The following MTHFD1L variants were observed in gnomAD, a reference collection of about 807,000 sequenced individuals.
MTHFD1L encodes the protein monofunctional C1-tetrahydrofolate synthase, mitochondrial.
In MTHFD1L, 81 loss-of-function variants were observed where a neutral mutation model predicts 119.5. The observed-to-expected ratio is 0.68, with a 90% CI of 0.57 to 0.82. The LOEUF is 0.82. MTHFD1L is among the 40% of genes least tolerant of loss of function. The pLI is 0.00. For missense variants in MTHFD1L, 1,125 were observed against 1,253.4 expected, an observed-to-expected ratio of 0.90 and a Z score of 1.55; for synonymous variants, 430 against 475.2, an observed-to-expected ratio of 0.90 and a Z score of 1.24.
At chr6:150,915,464 C>CTA (rs1258414737) in intron 8 of MTHFD1L, among the ~76,000 whole-genome samples, 1 of 152,298 alleles carries the variant, frequency 6.6e-6, no homozygotes, top group African/African-American at 2.4e-5. Context: ...AGTGACTGAA[C>CTA]TATACCAGGA....
intron 26 of MTHFD1L, among the ~76,000 whole-genome samples, chr6:151,090,143 C>T (rs1444079694): frequency 2.0e-5 from 3 of 152,358 alleles, no homozygotes; most frequent in East Asian, 1.9e-4. Flanking sequence ...CCCACTCCCA[C>T]TCTCAGTTGG....
chr6:151,031,453 A>G (rs1785328679), intron 24 of MTHFD1L, among the ~76,000 whole-genome samples: 1 of 152,226 alleles, frequency 6.6e-6, no homozygotes. Context: ...GAGCGCCCCA[A>G]GGGCATCTAG....
chr6:151,091,940 CA>C (rs1794483952), intron 26 of MTHFD1L, among the ~76,000 whole-genome samples: 1 of 152,130 alleles, frequency 6.6e-6, no homozygotes, highest in South Asian at 2.1e-4. Flanking sequence ...AAGCACGTAG[CA>C]CAGTGCCCAT....
intron 8 of MTHFD1L, among the ~76,000 whole-genome samples, chr6:150,910,039 G>A (rs1047508456): frequency 1.3e-5 from 2 of 152,006 alleles, no homozygotes; most frequent in African/African-American, 2.4e-5. Context: ...AAGTTAGCCG[G>A]GCATGGTGGC....
chr6:151,101,210 A>T (rs1795343447), intron 27 of MTHFD1L, among the ~76,000 whole-genome samples: 1 of 152,144 alleles, frequency 6.6e-6, no homozygotes, highest in African/African-American at 2.4e-5. Flanking sequence ...ATTCCACAGG[A>T]TCCTGCAAAC....
chr6:150,886,329 T>C (rs947325501), intron 6 of MTHFD1L, among the ~76,000 whole-genome samples: 3 of 150,764 alleles, frequency 2.0e-5, no homozygotes, highest in African/African-American at 7.3e-5. Flanking sequence ...CCAGCTATGC[T>C]GGAGGCTCAG....
chr6:150,987,191 C>T (rs950587252), intron 20 of MTHFD1L, among the ~76,000 whole-genome samples: 8 of 152,130 alleles, frequency 5.3e-5, no homozygotes, highest in Non-Finnish European at 1.0e-4. Flanking sequence ...TAGGCTTCTA[C>T]GAGTCATTCG....
chr6:151,086,035 A>G (rs1052655769), intron 26 of MTHFD1L, among the ~76,000 whole-genome samples: 1 of 152,170 alleles, frequency 6.6e-6, no homozygotes, highest in African/African-American at 2.4e-5. Context: ...TTGGTACAGT[A>G]ACAGGCACTC....
intron 26 of MTHFD1L, 121 bp from the exon 27 acceptor site, chr6:151,092,346 T>A: frequency 1.5e-6 from 1 of 689,118 alleles, no homozygotes; most frequent in African/African-American, 1.8e-5. Flanking sequence ...AAGAGATATA[T>A]CCCATATAAA....
intron 20 of MTHFD1L, among the ~76,000 whole-genome samples, chr6:151,006,556 G>A (rs507108): frequency 2.6e-5 from 4 of 152,054 alleles, no homozygotes; most frequent in Admixed American, 6.6e-5. Flanking sequence ...CGCATTGAAG[G>A]GGGGAGGAGC....
intron 26 of MTHFD1L, among the ~76,000 whole-genome samples, chr6:151,090,919 GTT>G (rs879690592): frequency 0.025 from 3,340 of 131,352 alleles, 627 homozygotes; most frequent in African/African-American, 0.058. Flanking sequence ...GTGCAGCATC[GTT>G]CCATGCGACT....
chr6:151,095,059 A>T (rs1224080490), intron 27 of MTHFD1L, among the ~76,000 whole-genome samples: 1 of 152,170 alleles, frequency 6.6e-6, no homozygotes, highest in African/African-American at 2.4e-5. Flanking sequence ...TGAGTTGTGG[A>T]TGTTGTTTGG....
At chr6:150,987,680 G>A (rs189718343) in intron 20 of MTHFD1L, among the ~76,000 whole-genome samples, 29 of 152,276 alleles carry the variant, frequency 1.9e-4, no homozygotes, top group Admixed American at 8.5e-4. Context: ...ACCGTGCTTT[G>A]CCACCTCTGA....
intron 26 of MTHFD1L, among the ~76,000 whole-genome samples, chr6:151,072,864 A>G (rs914691768): frequency 6.6e-6 from 1 of 152,198 alleles, no homozygotes; most frequent in Non-Finnish European, 1.5e-5. Context: ...ATGTTATGTT[A>G]AAAGCACACT....
At chr6:150,957,247 A>G (rs1410829500) in intron 17 of MTHFD1L, among the ~76,000 whole-genome samples, 2 of 152,232 alleles carry the variant, frequency 1.3e-5, no homozygotes, top group Admixed American at 6.5e-5. Context: ...TAAGTAAAAG[A>G]CAATTTATGG....
chr6:151,054,133 A>C (rs1012644845), intron 26 of MTHFD1L, among the ~76,000 whole-genome samples: 2 of 152,210 alleles, frequency 1.3e-5, no homozygotes, highest in Admixed American at 6.5e-5. Context: ...GGGGAGATTC[A>C]TTCAGCGTCT....
intron 1 of MTHFD1L, among the ~76,000 whole-genome samples, chr6:150,871,597 G>A (rs932342404): frequency 3.4e-5 from 5 of 148,698 alleles, no homozygotes; most frequent in African/African-American, 9.9e-5. Context: ...CGCCTCTCAG[G>A]TTCAAGTGAT....
chr6:150,880,607 C>T (rs796440749), intron 4 of MTHFD1L, among the ~76,000 whole-genome samples: 5 of 152,304 alleles, frequency 3.3e-5, no homozygotes, highest in African/African-American at 7.2e-5. Flanking sequence ...AGTTCCCATG[C>T]GTATATACCT....
intron 4 of MTHFD1L, 106 bp from the exon 5 acceptor site, chr6:150,882,656 T>TAA (rs1168011931): frequency 1.3e-5 from 11 of 819,870 alleles, no homozygotes; most frequent in African/African-American, 3.7e-5. Context: ...AACAACAAAC[T>TAA]ATAACAGATG....
Sources: gnomAD v4.1 joint callset for allele counts (sites outside exome capture counted in the v4.1 genomes callset) on GRCh38, gnomAD v4.1.1 for gene constraint, MANE v1.5 for transcripts, NCBI Gene and HGNC (gene_info 2026-07-23, HGNC 2026-07-21) for gene names.